Variants in ANO2 observed in about 807,000 individuals in gnomAD.
The protein encoded by ANO2 is anoctamin 2, also known as anoctamin-2.
A neutral mutation model predicts 124.2 loss-of-function variants in ANO2; 101 were observed. That is an observed-to-expected ratio of 0.81 (90% CI 0.69 to 0.96). The LOEUF (loss-of-function observed/expected upper bound fraction) is 0.96, where lower values mean the gene tolerates loss of function less well. Ranked by LOEUF, ANO2 falls within the 40% of genes least tolerant of loss-of-function variation. The pLI is 0.00. For synonymous variants in ANO2, 486 were observed against 482.5 expected (o/e 1.01, Z -0.09); for missense variants, 1,293 against 1,274.5 (o/e 1.01, Z -0.22).
chr12:5,781,661 A>G (rs1952398637), intron 10 of ANO2, among the ~76,000 whole-genome samples: 1 of 152,214 alleles, frequency 6.6e-6, no homozygotes, highest in South Asian at 2.1e-4. Flanking sequence ...TTGTCTGTCA[A>G]AAAAGAATTG....
In ANO2 at chr12:5,566,797, G is replaced by A. The variant is rs563690046; in HGVS notation, c.2622-1134C>T. On this transcript the variant is annotated intron_variant, in intron 23 of 24. Coordinates refer to ENST00000682330, the MANE Select transcript of ANO2 (RefSeq NM_001364791.2). ...GGCCAGAGTCTCGTGACCAGTAAAG[G>A]TGGAGTCAGGGTAGGAATGCGAGTC... Among the ~76,000 whole-genome samples, 4 of 152,314 alleles carry A rather than the reference G, an allele frequency of 2.6e-5. No homozygotes were observed. The East Asian group carries it at 7.7e-4, about 29-fold the overall frequency.
Position 5,738,354 on chromosome 12 carries a change from G to A in ANO2, c.1434+963C>T, listed in dbSNP as rs61909766. Among the ~76,000 whole-genome samples the A allele has an allele frequency of 4.9e-3, 745 of 152,336 alleles. 4 individuals carry two copies. Among genetic ancestry groups the A allele is most frequent in the Non-Finnish European group, 8.5e-3 (580 of 68,016 alleles). On this transcript the variant is annotated intron_variant, in intron 13 of 24. Coordinates refer to ENST00000682330, the MANE Select transcript of ANO2 (RefSeq NM_001364791.2). The stretch of plus-strand genomic sequence containing the variant: ...AAGGCAATCACTGTAGGAGAGTAAT[G>A]AGCAGGCTTGTGTTCCATGCAGCCA...
At chr12:5,799,914 G>T (rs1346012080) in intron 9 of ANO2, among the ~76,000 whole-genome samples, 1 of 152,242 alleles carries the variant, frequency 6.6e-6, no homozygotes, top group Non-Finnish European at 1.5e-5. Flanking sequence ...TTATGTGCCA[G>T]GCACTGTCCC....
chr12:5,610,330 C>CATTT (rs1944447356), intron 19 of ANO2, among the ~76,000 whole-genome samples: 1 of 50,488 alleles, frequency 2.0e-5, no homozygotes, highest in Non-Finnish European at 3.3e-5. Flanking sequence ...TATATAAATG[C>CATTT]ATATATTTAT....
intron 14 of ANO2, among the ~76,000 whole-genome samples, chr12:5,648,090 A>C (rs1946737599): frequency 6.6e-6 from 1 of 152,166 alleles, no homozygotes; most frequent in Non-Finnish European, 1.5e-5. Context: ...GATCCTAGAT[A>C]TGTCTCTTAT....
chr12:5,706,037 A>G (rs1558503), intron 14 of ANO2, among the ~76,000 whole-genome samples: 134,122 of 152,234 alleles, frequency 0.88, 59,202 homozygotes, highest in East Asian at 0.95. Flanking sequence ...TCGGGATGCC[A>G]TGGAAAGAAG....
intron 20 of ANO2, among the ~76,000 whole-genome samples, chr12:5,593,447 G>GA (rs1481184592): frequency 6.6e-6 from 1 of 152,200 alleles, no homozygotes; most frequent in Non-Finnish European, 1.5e-5. Flanking sequence ...TTACTGAAAA[G>GA]ACAAACATCT....
rs149893399 is a variant in ANO2, at chr12:5,853,833, A to T, written c.633+210T>A. ...TGGAGCAAACCCAGCCAGTGCTCTG[A>T]GGTGGGAGGATCTCCCTCCCCACCC... On this transcript the variant is annotated intron_variant, in intron 4 of 24. Transcript: ENST00000682330. Among the ~76,000 whole-genome samples, 83 of 151,944 alleles carry T rather than the reference A, an allele frequency of 5.5e-4. No homozygotes were observed. In the East Asian group the frequency reaches 0.015, roughly 28 times the overall value.
chr12:5,729,499 A>G (rs1457562234), intron 14 of ANO2, among the ~76,000 whole-genome samples: 1 of 152,176 alleles, frequency 6.6e-6, no homozygotes. Flanking sequence ...AATGTAAAAA[A>G]CAGATACTAA....
intron 1 of ANO2, among the ~76,000 whole-genome samples, chr12:5,928,373 T>C (rs985860668): frequency 6.6e-6 from 1 of 152,090 alleles, no homozygotes; most frequent in African/African-American, 2.4e-5. Flanking sequence ...ATCCGCACTC[T>C]CCCAGGCTTC....
At chr12:5,580,030 A>C (rs1200417995) in intron 20 of ANO2, among the ~76,000 whole-genome samples, 3 of 152,148 alleles carry the variant, frequency 2.0e-5, no homozygotes, top group Non-Finnish European at 4.4e-5. Context: ...CTGAGAAGGC[A>C]AGGCCTCCGT....
At chr12:5,600,452 T>C (rs1238302824) in intron 19 of ANO2, among the ~76,000 whole-genome samples, 2 of 152,328 alleles carry the variant, frequency 1.3e-5, no homozygotes, top group Non-Finnish European at 2.9e-5. Context: ...GACAACTACA[T>C]TCAGGACTTT....
intron 10 of ANO2, among the ~76,000 whole-genome samples, chr12:5,773,163 G>C (rs1405082160): frequency 6.6e-6 from 1 of 152,238 alleles, no homozygotes; most frequent in East Asian, 1.9e-4. Context: ...AGCCCTCTCT[G>C]GGTTCTGTAG....
chr12:5,630,626 T>C (rs1945668778), intron 16 of ANO2, among the ~76,000 whole-genome samples: 1 of 152,236 alleles, frequency 6.6e-6, no homozygotes, highest in African/African-American at 2.4e-5. Context: ...ACCTAGCCTA[T>C]GGGCATTCCT....
intron 10 of ANO2, among the ~76,000 whole-genome samples, chr12:5,777,039 C>G (rs1952252072): frequency 6.6e-6 from 1 of 152,164 alleles, no homozygotes; most frequent in Admixed American, 6.5e-5. Flanking sequence ...GGACATATGA[C>G]AGTGTATGTG....
In ANO2 at chr12:5,673,448, A is replaced by G. The variant is rs1948102084; in HGVS notation, c.1546-25647T>C. 6.6e-5 allele frequency among the ~76,000 whole-genome samples: 10 copies of G among 152,206 alleles called. No homozygotes were observed. The South Asian group carries it at 2.1e-3, about 32-fold the overall frequency. On this transcript the variant is annotated intron_variant, in intron 14 of 24. Transcript: ENST00000682330. ...AGTGGTTTAAAATCTCCCCTTGGCA[A>G]TCTTGCATATAGCACTCATTTGCTT...
intron 17 of ANO2, among the ~76,000 whole-genome samples, chr12:5,614,822 T>A (rs1463445383): frequency 6.6e-6 from 1 of 152,092 alleles, no homozygotes; most frequent in African/African-American, 2.4e-5. Flanking sequence ...ACCTATGAAA[T>A]CTGTATTAAC....
rs143012986 is a variant in ANO2, at chr12:5,596,137, G to A, written c.2233+3347C>T. The stretch of plus-strand genomic sequence containing the variant: ...TGCTTATAAACCCAGCACTTTGGGA[G>A]GCCGAGGCAGGAGGATTGCTTGAGG... On this transcript the variant is annotated intron_variant, in intron 20 of 24. Coordinates refer to ENST00000682330, the MANE Select transcript of ANO2 (RefSeq NM_001364791.2). Among the ~76,000 whole-genome samples the A allele has an allele frequency of 4.2e-3, 633 of 152,278 alleles. 6 individuals carry two copies. The highest frequency in any genetic ancestry group is 0.011 in the South Asian group (51 of 4,816).
intron 4 of ANO2, among the ~76,000 whole-genome samples, chr12:5,847,634 G>C (rs949997580): frequency 6.6e-6 from 1 of 152,150 alleles, no homozygotes; most frequent in Non-Finnish European, 1.5e-5. Flanking sequence ...TTTTGCAAAA[G>C]CCAGGGCTAC....
Sources: allele counts gnomAD v4.1 joint callset (sites outside exome capture counted in the v4.1 genomes callset), GRCh38; gene constraint gnomAD v4.1.1; transcripts MANE v1.5; gene names NCBI Gene and HGNC (gene_info 2026-07-23, HGNC 2026-07-21).